SYNE2: variants seen among roughly 807,000 people sequenced by gnomAD.
The protein encoded by SYNE2 is nesprin-2.
Under a neutral mutation model 856.3 loss-of-function variants are expected in SYNE2, and 431 were observed. That is an observed-to-expected ratio of 0.50 (90% confidence interval 0.47 to 0.55). SYNE2 has a LOEUF of 0.55. Among genes scored for constraint, SYNE2 ranks in the 20% least tolerant of loss-of-function variants. The pLI, the probability that SYNE2 is intolerant of heterozygous loss-of-function variation, is 0.00. For missense variants in SYNE2, 8,129 were observed against 8,023.2 expected, an observed-to-expected ratio of 1.01 and a Z score of -0.50; for synonymous variants, 2,923 against 2,872.3, an observed-to-expected ratio of 1.02 and a Z score of -0.56.
intron 2 of SYNE2, among the ~76,000 whole-genome samples, chr14:63,923,002 C>CACAT (rs1374030365): frequency 6.6e-6 from 1 of 152,150 alleles, no homozygotes; most frequent in Admixed American, 6.5e-5. Flanking sequence ...TGTTCAGGCT[C>CACAT]ACATACCTTG....
intron 1 of SYNE2, among the ~76,000 whole-genome samples, chr14:63,816,697 C>A (rs186953610): frequency 8.3e-6 from 1 of 119,842 alleles, no homozygotes; most frequent in Non-Finnish European, 2.0e-5. Context: ...ACAAACAGGT[C>A]TTTTTAATTT....
At chr14:64,107,436 T>C in intron 64 of SYNE2, 55 bp from the exon 65 acceptor site, 1 of 1,467,284 alleles carries the variant, frequency 6.8e-7, no homozygotes, top group Non-Finnish European at 9.6e-7. Context: ...GAAAGAAGAA[T>C]TCATGTGGCA....
At chr14:64,176,036 C>T (rs746811071) in intron 95 of SYNE2, among the ~76,000 whole-genome samples, 22 of 152,268 alleles carry the variant, frequency 1.4e-4, no homozygotes, top group Non-Finnish European at 2.5e-4. Flanking sequence ...GAGTTGAGTT[C>T]CAGATAGTTA....
chr14:63,993,997 T>TA (rs1171909292), intron 22 of SYNE2, 28 bp downstream of exon 22: 9 of 1,611,128 alleles, frequency 5.6e-6, no homozygotes, highest in South Asian at 1.1e-5. Flanking sequence ...TTTCTGAACT[T>TA]ACGTTTTTAT....
At chr14:63,764,256 C>T (rs767201325) in intron 1 of SYNE2, among the ~76,000 whole-genome samples, 1 of 152,120 alleles carries the variant, frequency 6.6e-6, no homozygotes, top group African/African-American at 2.4e-5. Context: ...TGCAAAGAGC[C>T]CCACTGTTTG....
intron 63 of SYNE2, chr14:64,100,411 G>A (rs1269569018): frequency 6.7e-6 from 1 of 149,944 alleles, no homozygotes; most frequent in Non-Finnish European, 1.5e-5. Flanking sequence ...AGCTACTTGG[G>A]AGGCTGAGGC....
At chr14:64,143,683 CT>C in intron 82 of SYNE2, 88 bp from the exon 83 acceptor site, 3 of 1,399,488 alleles carry the variant, frequency 2.1e-6, no homozygotes, top group Non-Finnish European at 1.0e-6. Context: ...TGGACGGGAG[CT>C]TGGTGCCCCC....
At chr14:63,964,377 C>T (rs540789380) in intron 10 of SYNE2, among the ~76,000 whole-genome samples, 1 of 152,298 alleles carries the variant, frequency 6.6e-6, no homozygotes, top group East Asian at 1.9e-4. Context: ...TATTGCCAGT[C>T]ACTACTTTCA....
intron 84 of SYNE2, among the ~76,000 whole-genome samples, chr14:64,147,225 G>A (rs764207494): frequency 5.3e-5 from 8 of 152,112 alleles, no homozygotes; most frequent in Admixed American, 1.3e-4. Context: ...AGTCTGTCTC[G>A]GTCAGGCCGG....
chr14:64,089,938 C>T (rs1367985045), intron 59 of SYNE2, among the ~76,000 whole-genome samples: 4 of 152,158 alleles, frequency 2.6e-5, no homozygotes. Flanking sequence ...GGCTTGAGCA[C>T]CTAATTCAGG....
At position 64,226,219 on chromosome 14, in the gene SYNE2, AC is replaced by A. The variant is rs1660239815; in HGVS notation, c.*694del. 2.0e-5 allele frequency: 3 copies of A among 152,668 alleles called. No individual in the cohort carries two copies. Among genetic ancestry groups the A allele is most frequent in the South Asian group, 4.1e-4 (2 of 4,824 alleles). The allele number at this position is 152,668 out of a possible 1,614,324, so 9.5% of individuals were successfully genotyped here. On this transcript the variant is annotated 3_prime_UTR_variant, in exon 116 of 116. Transcript: ENST00000555002. ...AATTAGATTTTAGCTGGAGCTTTTG[AC>A]TAATGTAAAGTAAATGCCAAACTAC...
Position 63,769,171 on chromosome 14 carries a change from C to T in SYNE2, c.-305+7185C>T, listed in dbSNP as rs549160379. Among the ~76,000 whole-genome samples the T allele has an allele frequency of 1.4e-4, 22 of 152,142 alleles. No individual in the cohort carries two copies. In the South Asian group the frequency reaches 2.5e-3, roughly 17 times the overall value. On this transcript the variant is annotated intron_variant, in intron 1 of 23. Transcript: ENST00000674003. ...CTTAACTTGTAGGAAGTAACCAGAGCGATGAAGTAAACTTCCACTTTCAGA... is the reference window on the plus strand; with the variant it reads ...CTTAACTTGTAGGAAGTAACCAGAGTGATGAAGTAAACTTCCACTTTCAGA...
chr14:63,986,458 T>C lies in SYNE2; in HGVS notation c.2154T>C (p.Ala718=). 1 of 1,614,022 alleles carries C rather than the reference T, an allele frequency of 6.2e-7. No individual in the cohort carries two copies. The highest frequency in any genetic ancestry group is 8.5e-7 in the Non-Finnish European group (1 of 1,179,976). The change falls in exon 19 of 116, where the codon GCT becomes GCC. Residue 718 remains alanine (A), a splice_region_variant and synonymous_variant. Coordinates refer to ENST00000555002, the MANE Select transcript of SYNE2 (RefSeq NM_182914.3). ...LPENYNQNIK[A]GEKHEKENEE... is the part of the protein sequence containing the mutation. ...AGTGGTACTTTTGAATGTTGTAGGC[T>C]GGAGAGAAACATGAAAAAGAAAATG...
chr14:63,826,472 T>C (rs2139880024), intron 1 of SYNE2, among the ~76,000 whole-genome samples: 1 of 152,248 alleles, frequency 6.6e-6, no homozygotes, highest in South Asian at 2.1e-4. Context: ...GCTAATTTTT[T>C]TGTATTTTTA....
At chr14:63,785,478 AAAC>A (rs1887485681) in intron 1 of SYNE2, among the ~76,000 whole-genome samples, 1 of 151,834 alleles carries the variant, frequency 6.6e-6, no homozygotes, top group Non-Finnish European at 1.5e-5. Context: ...CAAAACAAAC[AAAC>A]AAAAAAAACA....
At chr14:64,065,909 G>A (rs1165951915) in intron 51 of SYNE2, among the ~76,000 whole-genome samples, 1 of 152,082 alleles carries the variant, frequency 6.6e-6, no homozygotes, top group Non-Finnish European at 1.5e-5. Context: ...GCTGGTTTGA[G>A]TTTTACAATC....
At chr14:63,880,901 C>T (rs2094846456) in intron 1 of SYNE2, among the ~76,000 whole-genome samples, 2 of 151,274 alleles carry the variant, frequency 1.3e-5, no homozygotes, top group Admixed American at 1.3e-4. Flanking sequence ...GGCTGGAGTG[C>T]AGTGGTGCGA....
At position 63,867,988 on chromosome 14, in the gene SYNE2, T is replaced by C. The variant is rs570565031; in HGVS notation, c.-52+14845T>C. On this transcript the variant is annotated intron_variant, in intron 1 of 115. Transcript: ENST00000555002. Reference sequence around the variant, plus strand: ...TCGCTCGAGCCCAGGAGTTTGAGGCTGCAGTAAGCTATAATCATGCCACTG... The same window carrying C: ...TCGCTCGAGCCCAGGAGTTTGAGGCCGCAGTAAGCTATAATCATGCCACTG... 3.3e-5 allele frequency among the ~76,000 whole-genome samples: 5 copies of C among 152,242 alleles called. No homozygotes were observed. In the South Asian group the frequency reaches 1.0e-3, roughly 32 times the overall value.
chr14:64,165,497 C>G, intron 90 of SYNE2, 87 bp downstream of exon 90: 1 of 1,402,896 alleles, frequency 7.1e-7, no homozygotes, highest in Non-Finnish European at 1.0e-6. Flanking sequence ...TTATGGAATG[C>G]TTGCATCCTA....
Sources: gnomAD v4.1 joint callset for allele counts (sites outside exome capture counted in the v4.1 genomes callset) on GRCh38, gnomAD v4.1.1 for gene constraint, MANE v1.5 for transcripts, NCBI Gene and HGNC (gene_info 2026-07-23, HGNC 2026-07-21) for gene names.